ADRA1A: variants seen among roughly 807,000 people sequenced by gnomAD.
The protein encoded by ADRA1A is adrenoceptor alpha 1A.
Under a neutral mutation model 29.6 loss-of-function variants are expected in ADRA1A, and 31 were observed. The ratio of observed to expected loss-of-function variants is 1.05; its 90% CI spans 0.79 to 1.41. ADRA1A has a LOEUF of 1.41. Among genes scored for constraint, ADRA1A ranks in the 40% most tolerant of loss-of-function variants. The pLI is 0.00. For missense variants in ADRA1A, 619 were observed against 601.1 expected (o/e 1.03, Z -0.31); for synonymous variants, 311 against 254.3 (o/e 1.22, Z -2.12).
chr8:26,810,891 A>T (rs12682077), intron 2 of ADRA1A, among the ~76,000 whole-genome samples: 13,473 of 152,138 alleles, frequency 0.089, 903 homozygotes, highest in East Asian at 0.33. Flanking sequence ...CAATTAGTTG[A>T]AAAATCAATT....
At chr8:26,759,711 A>T (rs952945912) in intron 2 of ADRA1A, among the ~76,000 whole-genome samples, 1 of 152,236 alleles carries the variant, frequency 6.6e-6, no homozygotes, top group East Asian at 1.9e-4. Flanking sequence ...CAGTTAGCCG[A>T]ACTCTTTTCC....
chr8:26,757,337 T>C (rs890851732), intron 2 of ADRA1A, among the ~76,000 whole-genome samples: 1 of 152,146 alleles, frequency 6.6e-6, no homozygotes, highest in Admixed American at 6.5e-5. Context: ...GAGCTTGCAG[T>C]GTGGACTTCC....
At chr8:26,768,039 C>T (rs777139954), downstream of ADRA1A, among the ~76,000 whole-genome samples, 11 of 152,114 alleles carry the variant, frequency 7.2e-5, no homozygotes, top group African/African-American at 1.2e-4. Flanking sequence ...AAGTTCTGAA[C>T]ACAAGGCTGA....
At chr8:26,809,295 A>G (rs1585735304) in intron 2 of ADRA1A, among the ~76,000 whole-genome samples, 1 of 152,130 alleles carries the variant, frequency 6.6e-6, no homozygotes, top group African/African-American at 2.4e-5. Context: ...TCTATGTGTT[A>G]CTCTGTTCAG....
At chr8:26,849,216 C>T (rs1304946147) in intron 2 of ADRA1A, among the ~76,000 whole-genome samples, 9 of 152,174 alleles carry the variant, frequency 5.9e-5, no homozygotes, top group African/African-American at 2.4e-5. Context: ...CAACAAAAGA[C>T]GGGAAAGACG....
At chr8:26,762,424 T>C (rs1055823759), downstream of ADRA1A, among the ~76,000 whole-genome samples, 4 of 152,172 alleles carry the variant, frequency 2.6e-5, no homozygotes, top group Non-Finnish European at 5.9e-5. This position sits in a 1 kb window ranked among gnomAD's most constrained non-coding sequence, Gnocchi z 4.0. Context: ...AGAATCAGGC[T>C]GACCTGGGAA....
intron 2 of ADRA1A, among the ~76,000 whole-genome samples, chr8:26,772,958 A>G (rs1806283575): frequency 6.6e-6 from 1 of 152,214 alleles, no homozygotes; most frequent in Admixed American, 6.5e-5. Flanking sequence ...ATGTTGTCCT[A>G]TAATTATAAT....
chr8:26,863,456 T>C (rs186851751), intron 2 of ADRA1A, among the ~76,000 whole-genome samples: 8 of 152,330 alleles, frequency 5.3e-5, no homozygotes, highest in Admixed American at 3.3e-4. Context: ...TATTTACTTA[T>C]TGGAAATACT....
downstream of ADRA1A, among the ~76,000 whole-genome samples, chr8:26,763,994 C>A (rs1585636593): frequency 6.6e-6 from 1 of 152,140 alleles, no homozygotes; most frequent in Non-Finnish European, 1.5e-5. This position sits in a 1 kb window ranked among gnomAD's most constrained non-coding sequence, Gnocchi z 4.5. Flanking sequence ...TCCCCCTCCC[C>A]CATTTATAAC....
rs958681910 is a variant in ADRA1A at position 26,770,229 on chromosome 8, G to C, written c.1321C>G (p.Pro441Ala). Residue 441 changes from proline to alanine, a missense_variant, in exon 3 of 3, where the codon CCC becomes GCC. Pro to Ala is a conservative substitution (Grantham distance 27, BLOSUM62 -1). Transcript: ENST00000380573. Reference protein sequence around the residue: ...QVCCCVGPSTPSLDKNHQVPT... With the variant: ...QVCCCVGPSTASLDKNHQVPT... ...ACTTGATGGTTCTTGTCAAGGCTGG[G>C]GGTTGAGGGCCCTACACAGCAGCAG... 20 of 1,610,648 alleles carry C rather than the reference G, an allele frequency of 1.2e-5. No individual in the cohort carries two copies. Among genetic ancestry groups the C allele is most frequent in the Admixed American group, 1.2e-4 (7 of 59,828 alleles).
chr8:26,774,732 G>A (rs1352519403), intron 2 of ADRA1A, among the ~76,000 whole-genome samples: 11 of 151,426 alleles, frequency 7.3e-5, no homozygotes, highest in Non-Finnish European at 1.3e-4. Flanking sequence ...TCCCATCCAC[G>A]TATTTCTTCC....
intron 2 of ADRA1A, among the ~76,000 whole-genome samples, chr8:26,757,481 C>G (rs1268575510): frequency 6.6e-6 from 1 of 151,660 alleles, no homozygotes; most frequent in Non-Finnish European, 1.5e-5. Flanking sequence ...TCTGGAAGTA[C>G]AGCTTCAAGT....
intron 2 of ADRA1A, among the ~76,000 whole-genome samples, chr8:26,800,703 A>G (rs962597001): frequency 1.3e-5 from 2 of 152,116 alleles, no homozygotes; most frequent in Admixed American, 6.6e-5. Flanking sequence ...TACGAATCCT[A>G]CTCAAACTAT....
intron 2 of ADRA1A, among the ~76,000 whole-genome samples, chr8:26,824,435 A>C (rs1166356782): frequency 1.3e-5 from 2 of 152,162 alleles, no homozygotes; most frequent in African/African-American, 4.8e-5. Flanking sequence ...CTCTGAAAGG[A>C]GGCCATGATA....
Position 26,773,796 on chromosome 8 carries a change from G to A in ADRA1A, c.884-3130C>T, listed in dbSNP as rs111480438. Among the ~76,000 whole-genome samples, 865 of 151,812 alleles carry A rather than the reference G, an allele frequency of 5.7e-3. 6 individuals carry two copies. Among genetic ancestry groups the A allele is most frequent in the Non-Finnish European group, 9.9e-3 (674 of 67,954 alleles). ...TCCTTCCCATCCCTTCTTTCCTTGC[G>A]TGGCCCTGCTCTTAATTCCAGGTAT... On this transcript the variant is annotated intron_variant, in intron 2 of 2. Transcript: ENST00000380573.
chr8:26,797,208 C>T (rs2130457058), intron 2 of ADRA1A, among the ~76,000 whole-genome samples: 1 of 152,256 alleles, frequency 6.6e-6, no homozygotes, highest in Non-Finnish European at 1.5e-5. Context: ...ATTACCCCCT[C>T]ACTGTTTTAA....
At chr8:26,836,114 C>T (rs986427274) in intron 2 of ADRA1A, 1 of 196,614 alleles carries the variant, frequency 5.1e-6, no homozygotes, top group African/African-American at 2.4e-5. Flanking sequence ...CGGTTGTTGC[C>T]TTCTCACAGA....
At chr8:26,749,763 T>C (rs10101664) in intron 2 of ADRA1A, among the ~76,000 whole-genome samples, 13,198 of 152,126 alleles carry the variant, frequency 0.087, 653 homozygotes, top group African/African-American at 0.13. Flanking sequence ...CCAGCCCAAA[T>C]CAAAAAGGAA....
At chr8:26,783,108 C>T (rs1164104037) in intron 2 of ADRA1A, among the ~76,000 whole-genome samples, 1 of 152,220 alleles carries the variant, frequency 6.6e-6, no homozygotes, top group Admixed American at 6.5e-5. Flanking sequence ...CCATTTCTCA[C>T]ACTCTTGCCA....
Sources: allele counts gnomAD v4.1 joint callset (sites outside exome capture counted in the v4.1 genomes callset), GRCh38; gene constraint gnomAD v4.1.1; non-coding constraint Gnocchi (gnomAD v3.1); transcripts MANE v1.5; gene names NCBI Gene and HGNC (gene_info 2026-07-23, HGNC 2026-07-21).